The following TP53BP1 variants were observed in gnomAD, a reference collection of about 807,000 sequenced individuals.
TP53BP1 encodes TP53-binding protein 1.
Under a neutral mutation model 200.8 loss-of-function variants are expected in TP53BP1, and 61 were observed. The observed-to-expected ratio is 0.30, with a 90% confidence interval of 0.25 to 0.38. The LOEUF is 0.38. Ranked by LOEUF, TP53BP1 falls within the 10% of genes least tolerant of loss-of-function variation. The probability of loss-of-function intolerance (pLI) is 1.00; values close to 1 mark genes in which losing one functional copy is unlikely to be tolerated. For missense variants in TP53BP1, 2,144 were observed against 2,371.9 expected (o/e 0.90, Z 2.00); for synonymous variants, 822 against 844.3 (o/e 0.97, Z 0.46).
At position 43,420,495 on chromosome 15, in the gene TP53BP1, T is replaced by A; in HGVS notation, c.4491A>T (p.Val1497=). 6.2e-7 allele frequency: 1 copy of A among 1,614,160 alleles called. No individual in the cohort carries two copies. Among genetic ancestry groups the A allele is most frequent in the Non-Finnish European group, 8.5e-7 (1 of 1,180,024 alleles). Residue 1497 remains valine (V), a synonymous_variant, in exon 21 of 28, where the codon GTA becomes GTT. Coordinates refer to ENST00000382044, the MANE Select transcript of TP53BP1 (RefSeq NM_001141980.3). ...PGNSFVGLRV[V]AKWSSNGYFY... is the part of the protein sequence containing the mutation. ...AGTAGCCATTGGATGACCACTTGGC[T>A]ACAACACGGAGCCCTACAAAGCTAT...
chr15:43,454,591 G>A (rs8036673), intron 12 of TP53BP1, among the ~76,000 whole-genome samples: 66 of 152,110 alleles, frequency 4.3e-4, no homozygotes, highest in African/African-American at 1.5e-3. Context: ...TCAAACTTCC[G>A]ACCTCAGGCG....
rs763084380 is a variant in TP53BP1 at position 43,470,051 on chromosome 15, G to T, written c.1196C>A (p.Thr399Lys). 60 of 1,612,588 alleles carry T rather than the reference G, an allele frequency of 3.7e-5. No individual in the cohort carries two copies. The highest frequency in any genetic ancestry group is 4.3e-5 in the Non-Finnish European group (51 of 1,179,900). The part of the protein sequence containing the change: ...QEGRQDKPMD[T>K]SVLSEEGGEP... Reference sequence around the variant, plus strand: ...TCCTCCTTCTTCAGATAACACTGACGTGTCCATTGGCTTATCTGGTTTAAA... The same window carrying T: ...TCCTCCTTCTTCAGATAACACTGACTTGTCCATTGGCTTATCTGGTTTAAA... Residue 399 changes from threonine to lysine, a missense_variant, in exon 11 of 28, where the codon ACG becomes AAG. Physicochemically the swap from Thr to Lys is moderately conservative, Grantham distance 78. Transcript: ENST00000382044.
chr15:43,499,893 TA>T, intron 1 of TP53BP1, among the ~76,000 whole-genome samples: 1 of 152,294 alleles, frequency 6.6e-6, no homozygotes. Context: ...GACATAGAAA[TA>T]ATGATAGTAC....
chr15:43,505,893 C>A (rs1408472172), intron 1 of TP53BP1, among the ~76,000 whole-genome samples: 1 of 152,212 alleles, frequency 6.6e-6, no homozygotes. Context: ...CACAGCACTT[C>A]TGTAATCCAA....
intron 10 of TP53BP1, among the ~76,000 whole-genome samples, chr15:43,471,575 C>T (rs1215611352): frequency 6.6e-6 from 1 of 151,918 alleles, no homozygotes; most frequent in Non-Finnish European, 1.5e-5. Context: ...TACAGGCACC[C>T]GCCACCACAC....
At chr15:43,414,041 C>G in intron 23 of TP53BP1, 1 of 445,440 alleles carries the variant, frequency 2.2e-6, no homozygotes, top group Non-Finnish European at 4.6e-6. Flanking sequence ...AGAAAAAAAA[C>G]AGATACCTGA....
At chr15:43,427,957 CAAAAAAA>C in intron 18 of TP53BP1, 52 bp downstream of exon 18, 2 of 1,000,432 alleles carry the variant, frequency 2.0e-6, no homozygotes, top group South Asian at 2.1e-5. Context: ...ACCCTGTCTC[CAAAAAAA>C]AAAAAAAAAG....
At chr15:43,463,817 C>T (rs559533947) in intron 11 of TP53BP1, among the ~76,000 whole-genome samples, 2 of 152,118 alleles carry the variant, frequency 1.3e-5, no homozygotes, top group East Asian at 3.8e-4. Flanking sequence ...GACTGGCAGA[C>T]AAGAGGCACA....
intron 15 of TP53BP1, among the ~76,000 whole-genome samples, chr15:43,439,668 A>G (rs932295750): frequency 2.6e-5 from 4 of 152,228 alleles, no homozygotes; most frequent in Non-Finnish European, 5.9e-5. Flanking sequence ...TTTTAAATTT[A>G]GATTCTTATA....
chr15:43,459,135 C>T (rs930034715), intron 11 of TP53BP1, among the ~76,000 whole-genome samples: 4 of 152,040 alleles, frequency 2.6e-5, no homozygotes, highest in East Asian at 1.9e-4. Context: ...GCCAGGAGTT[C>T]GAGGTCAGCC....
intron 1 of TP53BP1, among the ~76,000 whole-genome samples, chr15:43,506,877 G>A (rs2079240041): frequency 6.6e-6 from 1 of 152,004 alleles, no homozygotes; most frequent in Non-Finnish European, 1.5e-5. Flanking sequence ...ATTTGCAAAG[G>A]GTGTAACTTC....
chr15:43,415,752 G>C lies in TP53BP1; in HGVS notation c.4931C>G (p.Pro1644Arg), dbSNP rs377703429. The C allele has an allele frequency of 2.6e-5, 42 of 1,614,052 alleles. No individual in the cohort carries two copies. Among genetic ancestry groups the C allele is most frequent in the Non-Finnish European group, 3.5e-5 (41 of 1,180,038 alleles). The change falls in exon 23 of 28, where the codon CCT (proline) becomes CGT (arginine). Residue 1644 changes from proline to arginine, a missense_variant. Around this residue, in one of 4 missense-constraint regions of TP53BP1, gnomAD observed 334 missense variants for 453.4 expected, o/e 0.74. Coordinates refer to ENST00000382044, the MANE Select transcript of TP53BP1 (RefSeq NM_001141980.3). ...RRSNVSSPAT[P>R]TASSSSSTTP... ...TGTGCTGCTGCTACTGGAGGCAGTA[G>C]GGGTGGCTGGGGAGCTGACGTTACT... is the stretch of plus-strand genomic sequence containing the variant.
At chr15:43,487,347 C>T (rs1359133218) in intron 4 of TP53BP1, among the ~76,000 whole-genome samples, 1 of 152,008 alleles carries the variant, frequency 6.6e-6, no homozygotes, top group Non-Finnish European at 1.5e-5. Flanking sequence ...AATTAGATCA[C>T]TCATACATTG....
intron 17 of TP53BP1, among the ~76,000 whole-genome samples, chr15:43,429,111 T>C (rs539798821): frequency 2.0e-5 from 3 of 152,322 alleles, no homozygotes; most frequent in Admixed American, 6.5e-5. Flanking sequence ...AGCTTCATTA[T>C]TTCTTGTTCA....
intron 12 of TP53BP1, among the ~76,000 whole-genome samples, chr15:43,452,213 C>G (rs1006068640): frequency 6.6e-6 from 1 of 152,034 alleles, no homozygotes; most frequent in Non-Finnish European, 1.5e-5. Flanking sequence ...TAATATTTTT[C>G]TGTTCTTTTT....
intron 14 of TP53BP1, among the ~76,000 whole-genome samples, chr15:43,443,928 A>G (rs2045985999): frequency 6.6e-6 from 1 of 152,210 alleles, no homozygotes; most frequent in African/African-American, 2.4e-5. Flanking sequence ...TCCATCAGGG[A>G]GGCAGCTGAA....
At position 43,415,874 on chromosome 15, in the gene TP53BP1, A is replaced by G. The variant is rs531721038; in HGVS notation, c.4874-65T>C. ...GGTATGAGGCCCTGAACTCCAAGAA[A>G]CTGGGCAGACCCTGATTCAGACACC... On this transcript the variant is annotated intron_variant, in intron 22 of 27. Coordinates refer to ENST00000382044, the MANE Select transcript of TP53BP1 (RefSeq NM_001141980.3). 9 of 1,349,684 alleles carry G rather than the reference A, an allele frequency of 6.7e-6. No homozygotes were observed. The African/African-American group carries it at 1.0e-4, about 15-fold the overall frequency. The allele number at this position is 1,349,684 out of a possible 1,614,324, so 83.6% of individuals were successfully genotyped here. A position where few individuals can be genotyped will look rare whatever the true frequency, so the allele number is the denominator to read the frequency against.
At chr15:43,506,143 G>A (rs1024812449) in intron 1 of TP53BP1, among the ~76,000 whole-genome samples, 1 of 152,044 alleles carries the variant, frequency 6.6e-6, no homozygotes, top group Non-Finnish European at 1.5e-5. Context: ...AAATCTTATG[G>A]AGACTTTAAG....
intron 18 of TP53BP1, among the ~76,000 whole-genome samples, chr15:43,424,183 C>T (rs1025495882): frequency 1.8e-4 from 28 of 152,146 alleles, no homozygotes; most frequent in African/African-American, 6.3e-4. Context: ...TTCTTTCAGC[C>T]GAACCTCCAT....
Sources: gnomAD v4.1 joint callset for allele counts (sites outside exome capture counted in the v4.1 genomes callset) on GRCh38, gnomAD v4.1.1 for gene constraint, gnomAD v4.1.1 regional missense constraint, MANE v1.5 for transcripts, NCBI Gene and HGNC (gene_info 2026-07-23, HGNC 2026-07-21) for gene names.